Variants in PLCXD2 observed in about 807,000 individuals in gnomAD.
The protein encoded by PLCXD2 is PI-PLC X domain-containing protein 2.
In PLCXD2, 21 loss-of-function variants were observed where a neutral mutation model predicts 28.6. The ratio of observed to expected loss-of-function variants is 0.73; its 90% CI spans 0.52 to 1.06. The LOEUF (loss-of-function observed/expected upper bound fraction) is 1.06, where lower values mean the gene tolerates loss of function less well. Among genes scored for constraint, PLCXD2 ranks in the 50% least tolerant of loss-of-function variants. The pLI, the probability that PLCXD2 is intolerant of heterozygous loss-of-function variation, is 0.00. For synonymous variants in PLCXD2, 140 were observed against 150.1 expected, an observed-to-expected ratio of 0.93 and a Z score of 0.49; for missense variants, 369 against 376.7, an observed-to-expected ratio of 0.98 and a Z score of 0.17.
rs574395538 is a variant in PLCXD2, at chr3:111,709,800, A to T, written c.624+1414A>T. Among the ~76,000 whole-genome samples, 5 of 152,288 alleles carry T rather than the reference A, an allele frequency of 3.3e-5. No individual in the cohort carries two copies. The South Asian group carries it at 6.2e-4, about 19-fold the overall frequency. Reference sequence around the variant, plus strand: ...GAGGAGGTCAGAGAGGCGACTGGTGATCATGTGAGCCTAGAAGGCCCTGTA... The same window carrying T: ...GAGGAGGTCAGAGAGGCGACTGGTGTTCATGTGAGCCTAGAAGGCCCTGTA... On this transcript the variant is annotated intron_variant, in intron 2 of 4. Coordinates refer to ENST00000477665, the MANE Select transcript of PLCXD2 (RefSeq NM_001185106.1).
chr3:111,712,164 T>C (rs1180704636), intron 2 of PLCXD2, among the ~76,000 whole-genome samples: 1 of 152,200 alleles, frequency 6.6e-6, no homozygotes, highest in African/African-American at 2.4e-5. Flanking sequence ...AAATTCTCCC[T>C]GTAACCTTTA....
chr3:111,709,339 T>C (rs1054948350), intron 2 of PLCXD2, among the ~76,000 whole-genome samples: 7 of 152,182 alleles, frequency 4.6e-5, no homozygotes, highest in African/African-American at 1.4e-4. Flanking sequence ...AATGGAGCTG[T>C]CATTCTGGTG....
chr3:111,712,120 T>G (rs1015869083), intron 2 of PLCXD2, among the ~76,000 whole-genome samples: 1 of 151,580 alleles, frequency 6.6e-6, no homozygotes, highest in African/African-American at 2.4e-5. Flanking sequence ...ACAGTGGGAG[T>G]TGGTTTGCAA....
intron 1 of PLCXD2, among the ~76,000 whole-genome samples, chr3:111,701,025 C>G (rs918698622): frequency 6.6e-6 from 1 of 152,040 alleles, no homozygotes; most frequent in African/African-American, 2.4e-5. Flanking sequence ...GTTTTCATCT[C>G]CATGTCAGCT....
chr3:111,722,554 G>A (rs1258254823), intron 3 of PLCXD2: 2 of 152,220 alleles, frequency 1.3e-5, no homozygotes, highest in Non-Finnish European at 2.9e-5. Context: ...AACTAGGCAT[G>A]GAAATGTGTG....
intron 1 of PLCXD2, among the ~76,000 whole-genome samples, chr3:111,687,116 T>G (rs1189622887): frequency 6.6e-6 from 1 of 152,364 alleles, no homozygotes; most frequent in East Asian, 1.9e-4. Flanking sequence ...TCTGTATAGA[T>G]GCATTTAGTA....
intron 1 of PLCXD2, among the ~76,000 whole-genome samples, chr3:111,702,554 G>A (rs1941058223): frequency 6.6e-6 from 1 of 152,030 alleles, no homozygotes; most frequent in South Asian, 2.1e-4. Context: ...ATAGAGAGAG[G>A]TGAGTGAAGA....
At chr3:111,686,831 T>A (rs1940802599) in intron 1 of PLCXD2, among the ~76,000 whole-genome samples, 1 of 152,234 alleles carries the variant, frequency 6.6e-6, no homozygotes, top group South Asian at 2.1e-4. Context: ...ATTATAGTTG[T>A]TCCTTTAGTC....
intron 1 of PLCXD2, among the ~76,000 whole-genome samples, chr3:111,687,206 G>A (rs1940807265): frequency 6.6e-6 from 1 of 152,198 alleles, no homozygotes; most frequent in African/African-American, 2.4e-5. Flanking sequence ...TTTCACTTAG[G>A]TGGCAGAGAC....
rs555046992 is a variant in PLCXD2 at position 111,701,974 on chromosome 3, G to C, written c.164-5952G>C. Among the ~76,000 whole-genome samples the C allele has an allele frequency of 2.6e-5, 4 of 152,078 alleles. No individual in the cohort carries two copies. In the East Asian group the frequency reaches 7.7e-4, roughly 29 times the overall value. On this transcript the variant is annotated intron_variant, in intron 1 of 4. Transcript: ENST00000477665. The stretch of plus-strand genomic sequence containing the variant: ...ACTTTGTTGTGTGAGCAGGCCATTG[G>C]AGGCAGGCCATAGCAGGAAGGTGGG...
At chr3:111,716,723 C>T (rs1941271979) in intron 3 of PLCXD2, among the ~76,000 whole-genome samples, 1 of 152,178 alleles carries the variant, frequency 6.6e-6, no homozygotes, top group African/African-American at 2.4e-5. Flanking sequence ...CCGTCCCATC[C>T]CCGCCATCCC....
At chr3:111,688,288 C>G (rs929508687) in intron 1 of PLCXD2, among the ~76,000 whole-genome samples, 1 of 152,194 alleles carries the variant, frequency 6.6e-6, no homozygotes, top group African/African-American at 2.4e-5. Flanking sequence ...ATTGACAGAA[C>G]TCATTGAAAG....
Position 111,675,049 on chromosome 3 carries a change from G to C in PLCXD2, c.-197G>C, listed in dbSNP as rs957796876. ...GAGCAGATTAAGGGAGTGGAGCGGA[G>C]GCTGGGCCGGAGAGAGTGGGGACTG... On this transcript the variant is annotated 5_prime_UTR_variant, in exon 1 of 5. Transcript: ENST00000477665. 9 of 600,352 alleles carry C rather than the reference G, an allele frequency of 1.5e-5. No individual in the cohort carries two copies. The African/African-American group carries it at 1.7e-4, about 11-fold the overall frequency. The allele number at this position is 600,352 out of a possible 1,614,324, so 37.2% of individuals were successfully genotyped here.
Position 111,708,447 on chromosome 3 carries a change from G to C in PLCXD2, c.624+61G>C, listed in dbSNP as rs572308089. ...GAATTTAACTCTTCCTGCTTTTCCT[G>C]TATTGCCGTCTGTAAAATCACTCAA... On this transcript the variant is annotated intron_variant, in intron 2 of 4. Transcript: ENST00000477665. 88 of 1,459,600 alleles carry C rather than the reference G, an allele frequency of 6.0e-5. 2 individuals are homozygous for C. The South Asian group carries it at 1.0e-3, about 17-fold the overall frequency. 90.4% of individuals were successfully genotyped at this position (1,459,600 alleles called of 1,614,324 possible). A position where few individuals can be genotyped will look rare whatever the true frequency, so the allele number is the denominator to read the frequency against.
chr3:111,716,905 C>A (rs1361017478), intron 3 of PLCXD2, among the ~76,000 whole-genome samples: 1 of 152,028 alleles, frequency 6.6e-6, no homozygotes, highest in African/African-American at 2.4e-5. Context: ...AAAGAGACAC[C>A]ACAGATATGT....
chr3:111,693,981 C>G (rs929653152), intron 1 of PLCXD2, among the ~76,000 whole-genome samples: 6 of 152,228 alleles, frequency 3.9e-5, no homozygotes, highest in Non-Finnish European at 7.3e-5. Context: ...CTTCAGACAG[C>G]TTAATAATAG....
intron 1 of PLCXD2, among the ~76,000 whole-genome samples, chr3:111,682,365 T>C (rs1559790868): frequency 6.6e-6 from 1 of 152,170 alleles, no homozygotes; most frequent in Non-Finnish European, 1.5e-5. Flanking sequence ...GTGGATTCAT[T>C]GTCTACTAAG....
At chr3:111,706,695 C>T (rs956380650) in intron 1 of PLCXD2, among the ~76,000 whole-genome samples, 3 of 150,258 alleles carry the variant, frequency 2.0e-5, no homozygotes, top group African/African-American at 7.3e-5. Flanking sequence ...AAACTCACTT[C>T]ACCTGTAAAG....
chr3:111,711,170 G>A (rs893106742), intron 2 of PLCXD2, among the ~76,000 whole-genome samples: 7 of 152,150 alleles, frequency 4.6e-5, no homozygotes, highest in Non-Finnish European at 1.0e-4. Context: ...CACTTTGGGA[G>A]GCCGAGGCTG....
Sources: gnomAD v4.1 joint callset for allele counts (sites outside exome capture counted in the v4.1 genomes callset) on GRCh38, gnomAD v4.1.1 for gene constraint, MANE v1.5 for transcripts, NCBI Gene and HGNC (gene_info 2026-07-23, HGNC 2026-07-21) for gene names.